SRGAP1: variants seen among roughly 807,000 people sequenced by gnomAD.
SRGAP1 encodes SLIT-ROBO Rho GTPase activating protein 1.
In SRGAP1, 43 loss-of-function variants were observed where a neutral mutation model predicts 121.9. The observed-to-expected ratio is 0.35, with a 90% confidence interval of 0.28 to 0.46. The LOEUF (loss-of-function observed/expected upper bound fraction) is 0.46. Among genes scored for constraint, SRGAP1 ranks in the 20% least tolerant of loss-of-function variants. SRGAP1 has a pLI of 1.00. For missense variants in SRGAP1, 1,102 were observed against 1,350.9 expected (o/e 0.82, Z 2.89); for synonymous variants, 447 against 485.4 (o/e 0.92, Z 1.04).
At chr12:63,924,418 C>CT (rs1245922384) in intron 1 of SRGAP1, among the ~76,000 whole-genome samples, 1 of 152,292 alleles carries the variant, frequency 6.6e-6, no homozygotes, top group South Asian at 2.1e-4. Context: ...TCTTCATTAA[C>CT]TTTTTGTGAT....
intron 4 of SRGAP1, among the ~76,000 whole-genome samples, chr12:64,036,749 A>G (rs2034913715): frequency 6.6e-6 from 1 of 152,240 alleles, no homozygotes; most frequent in South Asian, 2.1e-4. Context: ...GAACAATGCC[A>G]GATGCATTGT....
intron 1 of SRGAP1, among the ~76,000 whole-genome samples, chr12:63,979,038 C>CTTTTTTTTTTTT (rs34235730): frequency 2.4e-5 from 2 of 82,116 alleles, no homozygotes; most frequent in Non-Finnish European, 2.2e-5. Flanking sequence ...ACCCTTTGAC[C>CTTTTTTTTTTTT]TTTTTTTTTT....
chr12:64,033,375 C>T (rs766319961), intron 4 of SRGAP1, among the ~76,000 whole-genome samples: 3 of 152,208 alleles, frequency 2.0e-5, no homozygotes, highest in Non-Finnish European at 1.5e-5. Context: ...CCCTAAAGAC[C>T]GTATCTCATG....
intron 9 of SRGAP1, 76 bp from the exon 10 acceptor site, chr12:64,080,210 T>C (rs1295251827): frequency 3.1e-6 from 4 of 1,309,078 alleles, no homozygotes; most frequent in Non-Finnish European, 4.2e-6. Flanking sequence ...GCCACTGCAC[T>C]CCAGCCTGGG....
intron 1 of SRGAP1, among the ~76,000 whole-genome samples, chr12:63,953,356 C>CTTA (rs1360647544): frequency 6.7e-6 from 1 of 150,056 alleles, no homozygotes; most frequent in African/African-American, 2.4e-5. Flanking sequence ...AAGTCTCTGC[C>CTTA]TTATTCTCTT....
chr12:64,008,561 A>G (rs1037733063), intron 3 of SRGAP1, among the ~76,000 whole-genome samples: 13 of 152,156 alleles, frequency 8.5e-5, no homozygotes, highest in African/African-American at 2.7e-4. Context: ...AGTGATATAA[A>G]TATAGAGATT....
chr12:64,077,346 A>G (rs917126008), intron 8 of SRGAP1, among the ~76,000 whole-genome samples: 9 of 152,044 alleles, frequency 5.9e-5, no homozygotes, highest in Non-Finnish European at 2.9e-5. Context: ...CACATACTAA[A>G]AAGAACTTCT....
intron 1 of SRGAP1, among the ~76,000 whole-genome samples, chr12:63,944,579 T>C (rs146836064): frequency 0.016 from 2,361 of 152,282 alleles, 42 homozygotes; most frequent in Middle Eastern, 0.037. Flanking sequence ...GCCAGGGCTT[T>C]TGACTGCCCT....
At chr12:64,048,193 T>G (rs1342706298) in intron 6 of SRGAP1, among the ~76,000 whole-genome samples, 1 of 152,148 alleles carries the variant, frequency 6.6e-6, no homozygotes, top group African/African-American at 2.4e-5. Flanking sequence ...TCTATCTCCA[T>G]AAGTTTAATT....
chr12:63,852,099 C>T (rs979356392), intron 1 of SRGAP1, among the ~76,000 whole-genome samples: 4 of 152,166 alleles, frequency 2.6e-5, no homozygotes, highest in Non-Finnish European at 4.4e-5. Context: ...CTCAGGTGAT[C>T]CTGCCACCTC....
In SRGAP1 at chr12:64,127,630, A is replaced by G. The variant is rs745904868; in HGVS notation, c.2446A>G (p.Ser816Gly). 1 of 1,614,114 alleles carries G rather than the reference A, an allele frequency of 6.2e-7. No individual in the cohort carries two copies. The highest frequency in any genetic ancestry group is 8.5e-7 in the Non-Finnish European group (1 of 1,179,996). Residue 816 changes from serine (S) to glycine (G), a missense_variant, in exon 20 of 22, where the codon AGT (serine) becomes GGT (glycine). Transcript: ENST00000355086. ...AGACACTCTGAGCCAAAAAGCCGACAGTGAGGCCAGCAGTGGGCCAGTCAC... is the reference window on the plus strand; with the variant it reads ...AGACACTCTGAGCCAAAAAGCCGACGGTGAGGCCAGCAGTGGGCCAGTCAC... ...FSDTLSQKAD[S>G]EASSGPVTED... is the part of the protein sequence containing the mutation.
chr12:64,018,707 T>C (rs972976148), intron 4 of SRGAP1, among the ~76,000 whole-genome samples: 1 of 152,206 alleles, frequency 6.6e-6, no homozygotes, highest in Non-Finnish European at 1.5e-5. Flanking sequence ...CCACTCTCCA[T>C]GCAACCTACA....
intron 1 of SRGAP1, among the ~76,000 whole-genome samples, chr12:63,851,536 TA>T (rs1172790040): frequency 1.3e-5 from 2 of 152,094 alleles, no homozygotes; most frequent in Admixed American, 6.5e-5. Context: ...TCTTCATCTG[TA>T]AAATAGGGAT....
intron 4 of SRGAP1, 88 bp from the exon 5 acceptor site, chr12:64,042,702 T>G (rs2035049138): frequency 1.0e-6 from 1 of 976,816 alleles, no homozygotes; most frequent in Non-Finnish European, 1.5e-6. Flanking sequence ...AGGTGGTATG[T>G]GTATCATATA....
intron 4 of SRGAP1, among the ~76,000 whole-genome samples, chr12:64,020,317 G>A (rs998956162): frequency 6.6e-6 from 1 of 152,156 alleles, no homozygotes; most frequent in African/African-American, 2.4e-5. Flanking sequence ...ATACAATAGA[G>A]CACAGGTTGT....
chr12:64,124,493 C>T (rs1186434454), intron 18 of SRGAP1, among the ~76,000 whole-genome samples: 1 of 152,202 alleles, frequency 6.6e-6, no homozygotes, highest in Non-Finnish European at 1.5e-5. Flanking sequence ...AGGCATATTC[C>T]TGTAAGTATA....
chr12:63,987,217 A>G (rs2033442375), intron 2 of SRGAP1, among the ~76,000 whole-genome samples: 2 of 152,188 alleles, frequency 1.3e-5, no homozygotes, highest in South Asian at 2.1e-4. Context: ...ATCATTACCA[A>G]TCATTTAAGC....
chr12:64,022,382 A>G (rs187485486), intron 4 of SRGAP1, among the ~76,000 whole-genome samples: 67 of 152,310 alleles, frequency 4.4e-4, no homozygotes, highest in Non-Finnish European at 5.9e-4. Flanking sequence ...CTCAAAGACC[A>G]TCACACAGAG....
rs992193875 is a variant in SRGAP1, at chr12:64,096,727, T to C, written c.1679-514T>C. ...TGCTCAAGACAGCCTTCAGATGTGC[T>C]GTGAACACCACCATGCCACTTTGGG... On this transcript the variant is annotated intron_variant, in intron 14 of 21. Transcript: ENST00000355086. 2.6e-5 allele frequency among the ~76,000 whole-genome samples: 4 copies of C among 152,366 alleles called. No homozygotes were observed. The East Asian group carries it at 7.7e-4, about 29-fold the overall frequency.
Sources: gnomAD v4.1 joint callset for allele counts (sites outside exome capture counted in the v4.1 genomes callset) on GRCh38, gnomAD v4.1.1 for gene constraint, MANE v1.5 for transcripts, NCBI Gene and HGNC (gene_info 2026-07-23, HGNC 2026-07-21) for gene names.